ANKIB1: variants seen among roughly 807,000 people sequenced by gnomAD.
ANKIB1 encodes ankyrin repeat and IBR domain containing 1.
In ANKIB1, 43 loss-of-function variants were observed where a neutral mutation model predicts 122.1. The observed-to-expected ratio is 0.35, with a 90% CI of 0.28 to 0.45. The LOEUF (loss-of-function observed/expected upper bound fraction) is 0.45. ANKIB1 is among the 20% of genes least tolerant of loss of function. The pLI is 1.00. For synonymous variants in ANKIB1, 390 were observed against 442.0 expected, an observed-to-expected ratio of 0.88 and a Z score of 1.48; for missense variants, 992 against 1,329.5, an observed-to-expected ratio of 0.75 and a Z score of 3.95.
chr7:92,331,268 CTTT>C (rs1438187815), intron 5 of ANKIB1, among the ~76,000 whole-genome samples: 15 of 135,724 alleles, frequency 1.1e-4, no homozygotes, highest in South Asian at 2.3e-4. Flanking sequence ...AACATCACTT[CTTT>C]TTTTTTTTTT....
At chr7:92,375,947 A>G (rs1804369575) in intron 11 of ANKIB1, among the ~76,000 whole-genome samples, 1 of 152,216 alleles carries the variant, frequency 6.6e-6, no homozygotes, top group Non-Finnish European at 1.5e-5. Context: ...TTCCTTGTAC[A>G]TCTCCATCAG....
intron 3 of ANKIB1, among the ~76,000 whole-genome samples, chr7:92,312,454 T>TA (rs2131941540): frequency 6.6e-6 from 1 of 152,268 alleles, no homozygotes; most frequent in Admixed American, 6.5e-5. Context: ...AGATAGTAAA[T>TA]ATTTTAGTCA....
At chr7:92,318,603 T>C (rs1259814618) in intron 3 of ANKIB1, among the ~76,000 whole-genome samples, 1 of 152,208 alleles carries the variant, frequency 6.6e-6, no homozygotes, top group East Asian at 1.9e-4. Flanking sequence ...CTTAATATCT[T>C]TGCAGACATA....
chr7:92,343,066 C>G lies in ANKIB1; in HGVS notation c.830C>G (p.Pro277Arg). ...EKLLEAWMSNPENCCQRSGVQ... is the reference protein window; with the variant it reads ...EKLLEAWMSNRENCCQRSGVQ... ...TTACTTGAAGCTTGGATGTCCAACC[C>G]GGAGAACTGCTGCCAACGATCAGGT... The change falls in exon 6 of 20, where the codon CCG becomes CGG. Residue 277 changes from proline to arginine, a missense_variant. Pro to Arg is a moderately radical substitution (Grantham distance 103, BLOSUM62 -2). Around this residue, in one of 4 missense-constraint regions of ANKIB1, gnomAD observed 521 missense variants for 777.7 expected, o/e 0.67. Transcript: ENST00000265742. 6.2e-7 allele frequency: 1 copy of G among 1,613,880 alleles called. No homozygotes were observed. The highest frequency in any genetic ancestry group is 8.5e-7 in the Non-Finnish European group (1 of 1,179,864).
chr7:92,267,591 T>C lies in ANKIB1; in HGVS notation c.-91+21072T>C, dbSNP rs1036155539. On this transcript the variant is annotated intron_variant, in intron 1 of 19. Coordinates refer to ENST00000265742, the MANE Select transcript of ANKIB1 (RefSeq NM_019004.2). ...TATATCTTTGTTTACACTGTGATCA[T>C]GAAGATGTTCCTTCATGTTTTCTTC... Among the ~76,000 whole-genome samples, 16 of 152,378 alleles carry C rather than the reference T, an allele frequency of 1.1e-4. 1 individual carries two copies. The highest frequency in any genetic ancestry group is 3.4e-4 in the African/African-American group (14 of 41,588).
intron 5 of ANKIB1, among the ~76,000 whole-genome samples, chr7:92,329,452 C>T (rs1429234816): frequency 6.6e-6 from 1 of 152,136 alleles, no homozygotes; most frequent in Non-Finnish European, 1.5e-5. Context: ...GTGTTGTGAA[C>T]AAGTCTACCA....
At chr7:92,276,277 A>G (rs1170194129) in intron 1 of ANKIB1, among the ~76,000 whole-genome samples, 1 of 152,262 alleles carries the variant, frequency 6.6e-6, no homozygotes, top group Non-Finnish European at 1.5e-5. Context: ...AGCAATGAGT[A>G]ATGACTTCAA....
intron 1 of ANKIB1, among the ~76,000 whole-genome samples, chr7:92,285,862 T>A (rs1317608837): frequency 2.0e-5 from 3 of 152,226 alleles, no homozygotes; most frequent in Non-Finnish European, 4.4e-5. Context: ...CTATACAGTT[T>A]TACTTCTGCT....
At chr7:92,270,604 A>G (rs1801765352) in intron 1 of ANKIB1, among the ~76,000 whole-genome samples, 1 of 152,144 alleles carries the variant, frequency 6.6e-6, no homozygotes, top group Non-Finnish European at 1.5e-5. Flanking sequence ...GATAACCACC[A>G]TCATAATCAG....
At chr7:92,248,430 A>G (rs1801246167) in intron 1 of ANKIB1, among the ~76,000 whole-genome samples, 1 of 152,138 alleles carries the variant, frequency 6.6e-6, no homozygotes, top group Admixed American at 6.5e-5. Context: ...TTTCTGGGGT[A>G]TGCACTCAAA....
intron 5 of ANKIB1, among the ~76,000 whole-genome samples, chr7:92,329,493 G>A (rs1271790822): frequency 6.6e-6 from 1 of 152,154 alleles, no homozygotes; most frequent in Non-Finnish European, 1.5e-5. Context: ...ACATTGCTGT[G>A]CATATTTATC....
intron 5 of ANKIB1, among the ~76,000 whole-genome samples, chr7:92,331,899 A>G (rs1413648026): frequency 6.7e-6 from 1 of 149,356 alleles, no homozygotes; most frequent in Admixed American, 6.6e-5. Flanking sequence ...CTCTTAAGCT[A>G]TAGTATCATA....
In ANKIB1 at chr7:92,354,293, A is replaced by C. The variant is rs182805965; in HGVS notation, c.1397+1651A>C. Among the ~76,000 whole-genome samples the C allele has an allele frequency of 1.4e-4, 22 of 152,328 alleles. No homozygotes were observed. In the East Asian group the frequency reaches 4.1e-3, roughly 28 times the overall value. On this transcript the variant is annotated intron_variant, in intron 9 of 19. Transcript: ENST00000265742. Reference sequence around the variant, plus strand: ...ATCAGCTTACTTTTTCTCATACCCCAAAATATCAGGCTGGTTATACTCAAG... The same window carrying C: ...ATCAGCTTACTTTTTCTCATACCCCCAAATATCAGGCTGGTTATACTCAAG...
chr7:92,362,664 G>T (rs1481016836), intron 10 of ANKIB1, among the ~76,000 whole-genome samples: 1 of 152,162 alleles, frequency 6.6e-6, no homozygotes, highest in African/African-American at 2.4e-5. Context: ...TTCCAATGAA[G>T]GATGCAGCAA....
Position 92,397,734 on chromosome 7 carries a change from G to A in ANKIB1, c.2407G>A (p.Gly803Ser). 1 of 1,611,560 alleles carries A rather than the reference G, an allele frequency of 6.2e-7. No individual in the cohort carries two copies. The highest frequency in any genetic ancestry group is 8.5e-7 in the Non-Finnish European group (1 of 1,179,088). The change falls in exon 19 of 20, where the codon GGC (glycine) becomes AGC (serine). Residue 803 changes from glycine to serine, a missense_variant. Transcript: ENST00000265742. ...PSESTLDIPE[G>S]GSSSRRPGTS... ...TTGCTTTGAAACAGATATTCCAGAA[G>A]GCGGCAGCAGCAGCCGCAGGCCTGG...
chr7:92,381,265 T>C (rs1419114286), intron 11 of ANKIB1, among the ~76,000 whole-genome samples: 1 of 152,098 alleles, frequency 6.6e-6, no homozygotes, highest in Non-Finnish European at 1.5e-5. Flanking sequence ...ATACGTACAA[T>C]TGGTGTACCT....
intron 9 of ANKIB1, among the ~76,000 whole-genome samples, chr7:92,359,795 T>C (rs1803902029): frequency 6.6e-6 from 1 of 152,202 alleles, no homozygotes. Context: ...TTGCACAGGC[T>C]AGAGTGCCGT....
At chr7:92,303,341 A>G (rs1478368744) in intron 2 of ANKIB1, among the ~76,000 whole-genome samples, 1 of 152,212 alleles carries the variant, frequency 6.6e-6, no homozygotes, top group Non-Finnish European at 1.5e-5. Flanking sequence ...TTGGCACTCA[A>G]AACATTTCAG....
At chr7:92,306,184 T>A (rs1048886854) in intron 2 of ANKIB1, among the ~76,000 whole-genome samples, 2 of 152,094 alleles carry the variant, frequency 1.3e-5, no homozygotes, top group Admixed American at 1.3e-4. Flanking sequence ...AATTAGTGGC[T>A]TAAAACAACA....
Sources: gnomAD v4.1 joint callset for allele counts (sites outside exome capture counted in the v4.1 genomes callset) on GRCh38, gnomAD v4.1.1 for gene constraint, gnomAD v4.1.1 regional missense constraint, MANE v1.5 for transcripts, NCBI Gene and HGNC (gene_info 2026-07-23, HGNC 2026-07-21) for gene names.